The following SLC22A3 variants were observed in gnomAD, a reference collection of about 807,000 sequenced individuals.
SLC22A3 encodes solute carrier family 22 member 3.
In SLC22A3, 51 loss-of-function variants were observed where a neutral mutation model predicts 59.1. The observed-to-expected ratio is 0.86, with a 90% CI of 0.69 to 1.09. The LOEUF is 1.09. Among genes scored for constraint, SLC22A3 ranks in the 50% least tolerant of loss-of-function variants. The pLI is 0.00. For missense variants in SLC22A3, 711 were observed against 726.3 expected (o/e 0.98, Z 0.24); for synonymous variants, 325 against 292.0 (o/e 1.11, Z -1.15).
At chr6:160,447,619 C>A in intron 9 of SLC22A3, 100 bp from the exon 10 acceptor site, 1 of 956,032 alleles carries the variant, frequency 1.0e-6, no homozygotes, top group Non-Finnish European at 1.7e-6. Flanking sequence ...TTGAGAGCTA[C>A]TCCAGTGAGC....
At chr6:160,377,899 A>G (rs1390462322) in intron 1 of SLC22A3, among the ~76,000 whole-genome samples, 1 of 152,252 alleles carries the variant, frequency 6.6e-6, no homozygotes, top group African/African-American at 2.4e-5. Context: ...TCATTCTAAC[A>G]GTAGCTTTTG....
At chr6:160,381,810 A>G (rs1267500796) in intron 1 of SLC22A3, among the ~76,000 whole-genome samples, 1 of 152,216 alleles carries the variant, frequency 6.6e-6, no homozygotes, top group African/African-American at 2.4e-5. Context: ...AGAGACTACT[A>G]TAACTGTCCT....
intron 2 of SLC22A3, among the ~76,000 whole-genome samples, chr6:160,405,477 A>C (rs1355768218): frequency 6.6e-6 from 1 of 152,152 alleles, no homozygotes; most frequent in Non-Finnish European, 1.5e-5. Context: ...ATGAAAGGTG[A>C]CTTTAGATGA....
At chr6:160,356,024 T>C (rs1001821314) in intron 1 of SLC22A3, among the ~76,000 whole-genome samples, 1 of 152,140 alleles carries the variant, frequency 6.6e-6, no homozygotes, top group African/African-American at 2.4e-5. Context: ...TTGGCAAATA[T>C]TTGTGATTAA....
At chr6:160,432,271 A>T (rs1016904439) in intron 5 of SLC22A3, among the ~76,000 whole-genome samples, 1 of 152,026 alleles carries the variant, frequency 6.6e-6, no homozygotes, top group African/African-American at 2.4e-5. Context: ...CTAGAAGGAG[A>T]CTCAGCTCCC....
intron 1 of SLC22A3, among the ~76,000 whole-genome samples, chr6:160,382,852 A>T (rs201109469): frequency 6.6e-6 from 1 of 152,246 alleles, no homozygotes; most frequent in African/African-American, 2.4e-5. Flanking sequence ...GAGAAATTAC[A>T]TTATTAAAAA....
At chr6:160,422,553 C>T (rs989803446) in intron 5 of SLC22A3, among the ~76,000 whole-genome samples, 29 of 152,172 alleles carry the variant, frequency 1.9e-4, no homozygotes, top group African/African-American at 7.0e-4. Flanking sequence ...GGCTAGATTA[C>T]TTGGTCTGGA....
intron 7 of SLC22A3, among the ~76,000 whole-genome samples, chr6:160,438,532 C>T (rs569540172): frequency 2.0e-5 from 3 of 151,820 alleles, no homozygotes; most frequent in East Asian, 1.9e-4. Flanking sequence ...TCTTAAAACA[C>T]GAGGTAGGCC....
intron 7 of SLC22A3, among the ~76,000 whole-genome samples, chr6:160,441,217 T>C (rs1199797335): frequency 2.0e-5 from 3 of 152,142 alleles, no homozygotes; most frequent in African/African-American, 7.2e-5. Flanking sequence ...CCAGGGAATC[T>C]GAGTCTCTGC....
intron 1 of SLC22A3, among the ~76,000 whole-genome samples, chr6:160,370,770 G>T (rs1372384546): frequency 6.6e-6 from 1 of 152,128 alleles, no homozygotes; most frequent in Non-Finnish European, 1.5e-5. Context: ...TAAAATAATA[G>T]ATAGTAAAAT....
chr6:160,448,431 GATAA>G (rs758774594), intron 10 of SLC22A3, among the ~76,000 whole-genome samples: 2 of 152,054 alleles, frequency 1.3e-5, no homozygotes, highest in Admixed American at 6.6e-5. Flanking sequence ...GTAGATAAAT[GATAA>G]ATAATAGATG....
intron 5 of SLC22A3, among the ~76,000 whole-genome samples, chr6:160,428,805 C>T (rs1238822476): frequency 6.6e-6 from 1 of 152,174 alleles, no homozygotes; most frequent in African/African-American, 2.4e-5. Flanking sequence ...CGTATATGCT[C>T]TTGCATGGTA....
At chr6:160,402,969 T>G (rs1786846859) in intron 2 of SLC22A3, among the ~76,000 whole-genome samples, 1 of 151,412 alleles carries the variant, frequency 6.6e-6, no homozygotes, top group Non-Finnish European at 1.5e-5. Context: ...AATCTAAGCT[T>G]TCACCTTAGG....
At chr6:160,352,334 G>C (rs1341387115) in intron 1 of SLC22A3, among the ~76,000 whole-genome samples, 2 of 152,210 alleles carry the variant, frequency 1.3e-5, no homozygotes, top group African/African-American at 4.8e-5. Context: ...CCTCAGTGGA[G>C]ACTTTTCTAA....
At chr6:160,442,016 G>T (rs892286475) in intron 7 of SLC22A3, among the ~76,000 whole-genome samples, 1 of 152,176 alleles carries the variant, frequency 6.6e-6, no homozygotes, top group African/African-American at 2.4e-5. Context: ...ATTTAATATA[G>T]AATGTTTGGC....
intron 1 of SLC22A3, among the ~76,000 whole-genome samples, chr6:160,382,035 T>C (rs935196645): frequency 6.6e-5 from 10 of 152,226 alleles, no homozygotes; most frequent in African/African-American, 2.4e-4. Flanking sequence ...TTTTTAAATG[T>C]GAAAGCAGGC....
chr6:160,368,932 A>G (rs1785301259), intron 1 of SLC22A3, among the ~76,000 whole-genome samples: 2 of 152,166 alleles, frequency 1.3e-5, no homozygotes, highest in Admixed American at 6.5e-5. Context: ...CATTTAACAG[A>G]TGGACACAAC....
intron 5 of SLC22A3, among the ~76,000 whole-genome samples, chr6:160,419,636 A>G (rs1456768748): frequency 6.6e-6 from 1 of 152,238 alleles, no homozygotes; most frequent in Non-Finnish European, 1.5e-5. Flanking sequence ...AGTCACTGGG[A>G]ACCCATCCAG....
chr6:160,437,316 C>T, intron 7 of SLC22A3, 105 bp downstream of exon 7: 1 of 1,166,398 alleles, frequency 8.6e-7, no homozygotes, highest in South Asian at 1.2e-5. Flanking sequence ...GCAATGGAAT[C>T]ACAGTCTTTC....
Sources: allele counts gnomAD v4.1 joint callset (sites outside exome capture counted in the v4.1 genomes callset), GRCh38; gene constraint gnomAD v4.1.1; transcripts MANE v1.5; gene names NCBI Gene and HGNC (gene_info 2026-07-23, HGNC 2026-07-21).